The following PCNT variants were observed in gnomAD, a reference collection of about 807,000 sequenced individuals.
PCNT encodes the protein kendrin.
In PCNT, 319 loss-of-function variants were observed where a neutral mutation model predicts 380.4. The observed-to-expected ratio is 0.84, with a 90% CI of 0.77 to 0.92. The LOEUF is 0.92. Among genes scored for constraint, PCNT ranks in the 40% least tolerant of loss-of-function variants. PCNT has a pLI of 0.00. For missense variants in PCNT, 4,400 were observed against 4,255.3 expected (o/e 1.03, Z -0.95); for synonymous variants, 1,845 against 1,735.2 (o/e 1.06, Z -1.57).
chr21:46,422,185 G>A (rs2087282178), intron 32 of PCNT, 61 bp downstream of exon 32: 1 of 1,597,184 alleles, frequency 6.3e-7, no homozygotes, highest in Admixed American at 1.7e-5. Context: ...CATCCCCCAA[G>A]CCCTGTGTCC....
intron 27 of PCNT, among the ~76,000 whole-genome samples, chr21:46,404,404 C>T (rs753147275): frequency 4.8e-4 from 67 of 139,112 alleles, no homozygotes; most frequent in Non-Finnish European, 6.9e-4. Context: ...CCATTTCCAC[C>T]GGCATTTCTG....
At chr21:46,338,156 G>A (rs2083810363) in intron 3 of PCNT, among the ~76,000 whole-genome samples, 1 of 152,138 alleles carries the variant, frequency 6.6e-6, no homozygotes, top group African/African-American at 2.4e-5. Context: ...GGGATTACAG[G>A]TGTGAGCCAC....
chr21:46,413,788 A>C (rs2086898919), intron 29 of PCNT, among the ~76,000 whole-genome samples: 1 of 152,144 alleles, frequency 6.6e-6, no homozygotes. Context: ...AAAAGCTGGC[A>C]CTTCTTTTCC....
chr21:46,339,001 C>T (rs1034349471), intron 3 of PCNT, among the ~76,000 whole-genome samples: 8 of 152,082 alleles, frequency 5.3e-5, no homozygotes, highest in African/African-American at 1.2e-4. Context: ...AGGCTGGTCT[C>T]GAACTCCTGA....
At chr21:46,395,374 T>A (rs9680484) in intron 21 of PCNT, among the ~76,000 whole-genome samples, 3 of 151,586 alleles carry the variant, frequency 2.0e-5, no homozygotes, top group South Asian at 2.1e-4. Context: ...CAGAAATAAT[T>A]ATAATAAAAT....
At chr21:46,375,388 A>G (rs1198452701) in intron 15 of PCNT, among the ~76,000 whole-genome samples, 4 of 152,246 alleles carry the variant, frequency 2.6e-5, no homozygotes, top group South Asian at 4.1e-4. Flanking sequence ...GCCTTCTGAC[A>G]TTGGTATTCT....
At chr21:46,417,765 G>A (rs557330056) in intron 30 of PCNT, among the ~76,000 whole-genome samples, 5 of 152,188 alleles carry the variant, frequency 3.3e-5, no homozygotes, top group South Asian at 4.2e-4. Context: ...TTAGCTGGGC[G>A]TGCTGGTGCC....
chr21:46,329,356 A>G (rs576692937), intron 2 of PCNT, among the ~76,000 whole-genome samples: 22 of 152,254 alleles, frequency 1.4e-4, no homozygotes, highest in Non-Finnish European at 2.2e-4. Flanking sequence ...TTTCAAAACC[A>G]GAAGGGCATA....
chr21:46,434,923 A>T (rs1005109797), intron 38 of PCNT, among the ~76,000 whole-genome samples: 2 of 152,226 alleles, frequency 1.3e-5, no homozygotes, highest in Non-Finnish European at 2.9e-5. Flanking sequence ...TCAGCTTCTC[A>T]GGCTCCTCTC....
At chr21:46,389,146 C>G in intron 18 of PCNT, 53 bp from the exon 19 acceptor site, 2 of 1,555,644 alleles carry the variant, frequency 1.3e-6, no homozygotes, top group Non-Finnish European at 8.8e-7. Context: ...CTGCCATGGC[C>G]GCGGCCGGCT....
chr21:46,346,869 A>C lies in PCNT; in HGVS notation c.847A>C (p.Met283Leu), dbSNP rs758425142. ...GACGGCATTGACGGAGCTGCGGGAG[A>C]TGCTCAACAGCCGGCGTGCCCAGGA... ...KETALTELRE[M>L]LNSRRAQELA... Residue 283 changes from methionine (M) to leucine (L), a missense_variant, in exon 5 of 47, where the codon ATG becomes CTG. Met to Leu is a conservative substitution (Grantham distance 15). Transcript: ENST00000359568. 6.2e-7 allele frequency: 1 copy of C among 1,608,464 alleles called. No homozygotes were observed.
At chr21:46,325,291 G>C (rs1031819546) in intron 1 of PCNT, 4 of 794,958 alleles carry the variant, frequency 5.0e-6, no homozygotes, top group African/African-American at 3.7e-5. Context: ...GACAGGGGAC[G>C]CGGGGCTAGG....
In PCNT at chr21:46,443,829, G is replaced by T. The variant is rs141991283; in HGVS notation, c.9720G>T (p.Pro3240=). Residue 3240 remains proline, a synonymous_variant, in exon 45 of 47, where the codon CCG becomes CCT. Transcript: ENST00000359568. The part of the protein sequence containing the change: ...APRPGPRARQ[P]QSPPRTRESP... ...GGGAAGGGCCCCGAGCACGACAGCCGCAGTCTCCACCCAGAACCAGAGAGT... is the reference window on the plus strand; with the variant it reads ...GGGAAGGGCCCCGAGCACGACAGCCTCAGTCTCCACCCAGAACCAGAGAGT... 1.8e-5 allele frequency: 29 copies of T among 1,613,576 alleles called. 2 individuals are homozygous for T. In the South Asian group the frequency reaches 3.1e-4, roughly 17 times the overall value.
chr21:46,444,769 G>A lies in PCNT; in HGVS notation c.9915G>A (p.Glu3305=), dbSNP rs754883755. 1 of 1,612,970 alleles carries A rather than the reference G, an allele frequency of 6.2e-7. No individual in the cohort carries two copies. ...ASQDPEHSLT[E]YIHHLEVIQQ... ...AAGATCCAGAACATTCCTTGACAGA[G>A]TATATTCACCATTTAGAAGTGATCC... Residue 3305 remains glutamate, a synonymous_variant, in exon 46 of 47, where the codon GAG becomes GAA. Coordinates refer to ENST00000359568, the MANE Select transcript of PCNT (RefSeq NM_006031.6).
chr21:46,397,000 G>T (rs1025034952), intron 21 of PCNT, among the ~76,000 whole-genome samples: 1 of 152,156 alleles, frequency 6.6e-6, no homozygotes, highest in African/African-American at 2.4e-5. Flanking sequence ...CTGGGACTGG[G>T]CTTAGTCGTG....
In PCNT at chr21:46,425,960, G is replaced by T; in HGVS notation, c.7309G>T (p.Gly2437Ter). 1 of 1,614,070 alleles carries T rather than the reference G, an allele frequency of 6.2e-7. No individual in the cohort carries two copies. Among genetic ancestry groups the T allele is most frequent in the Non-Finnish European group, 8.5e-7 (1 of 1,180,020 alleles). The change falls in exon 33 of 47, where the codon GGA (glycine) becomes TGA (stop). Residue 2437 changes from glycine (G) to a stop codon, truncating the protein, a stop_gained. Transcript: ENST00000359568. LOFTEE classifies it high-confidence loss of function. This position sits in a 1 kb window ranked among gnomAD's most constrained non-coding sequence, Gnocchi z 4.2. The part of the protein sequence containing the change: ...DEIQDISLHG[G>*]KTQEVPTACP... ...GATACAGGACATCTCGCTCCATGGG[G>T]GAAAGACGCAGGTTTATTTTGCCCT...
chr21:46,438,669 A>ATTTTT (rs34152810), intron 41 of PCNT, among the ~76,000 whole-genome samples: 8 of 127,580 alleles, frequency 6.3e-5, no homozygotes, highest in Non-Finnish European at 1.3e-4. Context: ...GTGATTTATA[A>ATTTTT]TTTTTTTTTT....
rs770819119 is a variant in PCNT at position 46,334,379 on chromosome 21, T to C, written c.268-18T>C. ...AGACCTTGCTTTAAATGCTTCTTTC[T>C]GGTCCTCCCCTTCTTAGCCGGAGGA... On this transcript the variant is annotated intron_variant, in intron 2 of 46. Coordinates refer to ENST00000359568, the MANE Select transcript of PCNT (RefSeq NM_006031.6). 2 of 1,614,100 alleles carry C rather than the reference T, an allele frequency of 1.2e-6. No homozygotes were observed. Among genetic ancestry groups the C allele is most frequent in the South Asian group, 2.2e-5 (2 of 91,072 alleles).
rs749844371 is a variant in PCNT, at chr21:46,356,644, A to G, written c.1937-330A>G. Among the ~76,000 whole-genome samples the G allele has an allele frequency of 3.0e-4, 46 of 152,242 alleles. 1 individual carries two copies. The highest frequency in any genetic ancestry group is 5.9e-4 in the Non-Finnish European group (40 of 68,046). On this transcript the variant is annotated intron_variant, in intron 12 of 46. Coordinates refer to ENST00000359568, the MANE Select transcript of PCNT (RefSeq NM_006031.6). ...TGTGTGCCCACATCTGGTCACAGGC[A>G]TGAGGCTCACTCAGGAACTCATGGA...
Sources: gnomAD v4.1 joint callset for allele counts (sites outside exome capture counted in the v4.1 genomes callset) on GRCh38, gnomAD v4.1.1 for gene constraint, Gnocchi (gnomAD v3.1) non-coding constraint, MANE v1.5 for transcripts, NCBI Gene and HGNC (gene_info 2026-07-23, HGNC 2026-07-21) for gene names.